The following ZNF425 variants were observed in gnomAD, a reference collection of about 807,000 sequenced individuals.
ZNF425 encodes zinc finger protein 425.
In ZNF425, 21 loss-of-function variants were observed where a neutral mutation model predicts 17.0. The observed-to-expected ratio is 1.23, with a 90% CI of 0.88 to 1.78. The LOEUF is 1.78. Ranked by LOEUF, ZNF425 falls within the 40% of genes most tolerant of loss-of-function variation. ZNF425 has a pLI of 0.00. For synonymous variants in ZNF425, 433 were observed against 384.1 expected, an observed-to-expected ratio of 1.13 and a Z score of -1.49; for missense variants, 868 against 967.3, an observed-to-expected ratio of 0.90 and a Z score of 1.36.
Position 149,104,531 on chromosome 7 carries a change from C to T in ZNF425, c.1340G>A (p.Cys447Tyr), listed in dbSNP as rs757121504. ...GTTCCTCCAGAAGAAGCCCCTGCTG[C>T]ACTCCGGGCACTGGAAGGGCCGCTT... The part of the protein sequence containing the change: ...IGKRPFQCPE[C>Y]SRGFFWRNAM... The change falls in exon 4 of 4, where the codon TGC becomes TAC. Residue 447 changes from cysteine (C) to tyrosine (Y), a missense_variant. Transcript: ENST00000378061. This position sits in a 1 kb window ranked among gnomAD's most constrained non-coding sequence, Gnocchi z 4.3. 1.2e-6 allele frequency: 2 copies of T among 1,607,570 alleles called. No individual in the cohort carries two copies. The highest frequency in any genetic ancestry group is 4.5e-5 in the East Asian group (2 of 44,824).
chr7:149,107,271 G>T (rs1247170645), intron 3 of ZNF425, among the ~76,000 whole-genome samples: 1 of 151,586 alleles, frequency 6.6e-6, no homozygotes, highest in African/African-American at 2.4e-5. Flanking sequence ...TAACACTGTA[G>T]AATTTTTTTC....
intron 1 of ZNF425, among the ~76,000 whole-genome samples, chr7:149,123,636 A>AT (rs746850017): frequency 6.6e-6 from 1 of 151,720 alleles, no homozygotes; most frequent in Non-Finnish European, 1.5e-5. Flanking sequence ...GGTTCAAGAG[A>AT]TTCTTCTGTC....
intron 3 of ZNF425, among the ~76,000 whole-genome samples, chr7:149,111,623 T>TAAAAAAAAAAAAAAA (rs1390199638): frequency 4.0e-5 from 5 of 126,036 alleles, no homozygotes; most frequent in Non-Finnish European, 8.4e-5. Context: ...AAAAAAAAAT[T>TAAAAAAAAAAAAAAA]ATATATCTAT....
chr7:149,111,348 T>C (rs1826172298), intron 3 of ZNF425, among the ~76,000 whole-genome samples: 1 of 151,144 alleles, frequency 6.6e-6, no homozygotes, highest in Non-Finnish European at 1.5e-5. Context: ...TCCCAGCACT[T>C]TGGGAGGCCG....
intron 2 of ZNF425, 114 bp downstream of exon 2, chr7:149,118,108 G>C: frequency 8.7e-7 from 1 of 1,147,384 alleles, no homozygotes; most frequent in Non-Finnish European, 1.3e-6. Context: ...GAGACATTAT[G>C]AATGTAAACT....
chr7:149,112,490 G>T, intron 2 of ZNF425, 195 bp from the exon 3 acceptor site: 1 of 490,106 alleles, frequency 2.0e-6, no homozygotes, highest in Non-Finnish European at 3.6e-6. Flanking sequence ...AAAATTAGCT[G>T]GGCGTGGTAG....
At position 149,105,476 on chromosome 7, in the gene ZNF425, T is replaced by C. The variant is rs751465967; in HGVS notation, c.395A>G (p.Glu132Gly). The stretch of plus-strand genomic sequence containing the variant: ...TGTTTGAGCTAATAAAATCTTTCTC[T>C]CTTTCCCTCGTAAGGCAGCACACAA... ...QDLCAALRGK[E>G]RKILLAQTAT... The change falls in exon 4 of 4, where the codon GAG becomes GGG. Residue 132 changes from glutamate to glycine, a missense_variant. Glu to Gly is a moderately conservative substitution (Grantham distance 98, BLOSUM62 -2). Around this residue, in one of 5 missense-constraint regions of ZNF425, gnomAD observed 179 missense variants for 216.3 expected, o/e 0.83. Transcript: ENST00000378061. 2.0e-6 allele frequency: 3 copies of C among 1,524,396 alleles called. No homozygotes were observed. The highest frequency in any genetic ancestry group is 4.5e-5 in the Admixed American group (2 of 44,352). The allele number at this position is 1,524,396 out of a possible 1,614,324, so 94.4% of individuals were successfully genotyped here.
intron 3 of ZNF425, among the ~76,000 whole-genome samples, chr7:149,109,365 C>T (rs559886688): frequency 3.9e-5 from 6 of 152,232 alleles, no homozygotes; most frequent in Admixed American, 2.6e-4. Context: ...GCATGAGCCA[C>T]GGCACCCAGC....
chr7:149,110,885 C>T (rs1220593924), intron 3 of ZNF425, among the ~76,000 whole-genome samples: 1 of 150,908 alleles, frequency 6.6e-6, no homozygotes, highest in Non-Finnish European at 1.5e-5. Flanking sequence ...AACTCCGCCT[C>T]CTGCATTCCA....
At chr7:149,118,936 G>A (rs1242260842) in intron 1 of ZNF425, among the ~76,000 whole-genome samples, 1 of 152,156 alleles carries the variant, frequency 6.6e-6, no homozygotes, top group African/African-American at 2.4e-5. Context: ...ACTGGGTCTA[G>A]TATTGCTGGA....
At position 149,126,214 on chromosome 7, in the gene ZNF425, G is replaced by A. The variant is rs1826467306; in HGVS notation, c.-1C>T. 1 of 1,611,782 alleles carries A rather than the reference G, an allele frequency of 6.2e-7. No homozygotes were observed. The highest frequency in any genetic ancestry group is 1.3e-5 in the African/African-American group (1 of 74,912). ...TTCTTACCGAAGCCGGCTCGGCCAT[G>A]GCGGTTCCGCACGAACCGGCCCTGC... On this transcript the variant is annotated 5_prime_UTR_variant, in exon 1 of 4. Transcript: ENST00000378061.
intron 1 of ZNF425, among the ~76,000 whole-genome samples, chr7:149,125,055 G>A (rs954405466): frequency 6.6e-6 from 1 of 152,148 alleles, no homozygotes; most frequent in Non-Finnish European, 1.5e-5. Context: ...AATATTCCAG[G>A]AGATTCCCAA....
intron 2 of ZNF425, among the ~76,000 whole-genome samples, chr7:149,115,100 ATTT>A (rs71192755): frequency 8.1e-6 from 1 of 123,888 alleles, no homozygotes; most frequent in Admixed American, 8.1e-5. Context: ...ACGCTGGCTA[ATTT>A]TTTTTTTTTT....
At chr7:149,117,603 C>CT (rs981530350) in intron 2 of ZNF425, among the ~76,000 whole-genome samples, 6 of 29,064 alleles carry the variant, frequency 2.1e-4, no homozygotes, top group African/African-American at 7.5e-4. Flanking sequence ...GAATACACTT[C>CT]TTTTAAAAAA....
intron 1 of ZNF425, among the ~76,000 whole-genome samples, chr7:149,119,260 G>A (rs1826314622): frequency 6.6e-6 from 1 of 151,962 alleles, no homozygotes; most frequent in Admixed American, 6.6e-5. Flanking sequence ...TACGGGGTGT[G>A]CCACCATGCC....
intron 2 of ZNF425, among the ~76,000 whole-genome samples, chr7:149,114,931 C>CTTTTTTTTTTTTTTT (rs35954198): frequency 1.7e-4 from 17 of 101,026 alleles, no homozygotes; most frequent in Non-Finnish European, 2.7e-4. Flanking sequence ...TCTTTCTTTT[C>CTTTTTTTTTTTTTTT]TTTTTTTTTT....
Position 149,110,817 on chromosome 7 carries a change from C to T in ZNF425, c.304+1320G>A, listed in dbSNP as rs1308459766. On this transcript the variant is annotated intron_variant, in intron 3 of 3. Coordinates refer to ENST00000378061, the MANE Select transcript of ZNF425 (RefSeq NM_001001661.3). Reference sequence around the variant, plus strand: ...TGTTCTTTTTTTTTTTTTTTTGAGACGGAGTCCCACTCTGTCGCCCAGGCT... The same window carrying T: ...TGTTCTTTTTTTTTTTTTTTTGAGATGGAGTCCCACTCTGTCGCCCAGGCT... 4.1e-5 allele frequency among the ~76,000 whole-genome samples: 5 copies of T among 122,684 alleles called. No homozygotes were observed. In the East Asian group the frequency reaches 8.0e-4, roughly 20 times the overall value. The allele number at this position is 122,684 out of a possible 152,430, so 80.5% of individuals were successfully genotyped here. A position where few individuals can be genotyped will look rare whatever the true frequency, so the allele number is the denominator to read the frequency against.
chr7:149,112,174 C>T lies in ZNF425; in HGVS notation c.267G>A (p.Gln89=). ...RRTTSPPTDE[Q]LNMKNTGKLL... ...ACTTTCCAGTATTCTTCATGTTCAACTGTTCATCAGTAGGAGGGCTAGTTG... is the reference window on the plus strand; with the variant it reads ...ACTTTCCAGTATTCTTCATGTTCAATTGTTCATCAGTAGGAGGGCTAGTTG... Residue 89 remains glutamine, a synonymous_variant, in exon 3 of 4, where the codon CAG becomes CAA. Transcript: ENST00000378061. The T allele has an allele frequency of 6.2e-7, 1 of 1,614,054 alleles. No individual in the cohort carries two copies. Among genetic ancestry groups the T allele is most frequent in the Non-Finnish European group, 8.5e-7 (1 of 1,179,960 alleles).
chr7:149,110,881 G>T (rs900132843), intron 3 of ZNF425, among the ~76,000 whole-genome samples: 1 of 145,324 alleles, frequency 6.9e-6, no homozygotes, highest in Non-Finnish European at 1.5e-5. Context: ...TGCAAACTCC[G>T]CCTCCTGCAT....
Sources: gnomAD v4.1 joint callset for allele counts (sites outside exome capture counted in the v4.1 genomes callset) on GRCh38, gnomAD v4.1.1 for gene constraint, gnomAD v4.1.1 regional missense constraint, Gnocchi (gnomAD v3.1) non-coding constraint, MANE v1.5 for transcripts, NCBI Gene and HGNC (gene_info 2026-07-23, HGNC 2026-07-21) for gene names.